CNTLN: variants seen among roughly 807,000 people sequenced by gnomAD.
The protein encoded by CNTLN is centlein.
A neutral mutation model predicts 180.0 loss-of-function variants in CNTLN; 212 were observed. The ratio of observed to expected loss-of-function variants is 1.18; its 90% CI spans 1.05 to 1.32. The LOEUF (loss-of-function observed/expected upper bound fraction) is 1.32. Ranked by LOEUF, CNTLN falls within the 40% of genes most tolerant of loss-of-function variation. CNTLN has a pLI of 0.00. For synonymous variants in CNTLN, 722 were observed against 563.1 expected, an observed-to-expected ratio of 1.28 and a Z score of -3.99; for missense variants, 2,095 against 1,610.9, an observed-to-expected ratio of 1.30 and a Z score of -5.14.
intron 2 of CNTLN, among the ~76,000 whole-genome samples, chr9:17,153,756 C>T (rs1293196578): frequency 6.6e-6 from 1 of 152,180 alleles, no homozygotes; most frequent in Non-Finnish European, 1.5e-5. Context: ...TGTTTTCCAA[C>T]TCGGTTCCAT....
chr9:17,356,300 C>T (rs1014105898), intron 12 of CNTLN, among the ~76,000 whole-genome samples: 2 of 152,148 alleles, frequency 1.3e-5, no homozygotes, highest in African/African-American at 4.8e-5. Flanking sequence ...GAAACTCATA[C>T]ACTAAGATTG....
chr9:17,500,226 T>C (rs1833670171), intron 25 of CNTLN, among the ~76,000 whole-genome samples: 1 of 152,200 alleles, frequency 6.6e-6, no homozygotes. Flanking sequence ...TTGAGTTTTA[T>C]TGGGAGCCAG....
chr9:17,190,517 T>TA (rs1206814027), intron 2 of CNTLN, among the ~76,000 whole-genome samples: 3 of 152,262 alleles, frequency 2.0e-5, no homozygotes, highest in Non-Finnish European at 4.4e-5. Context: ...TTACCAGATA[T>TA]AAAAAGTTTA....
chr9:17,426,454 G>A (rs1023520133), intron 18 of CNTLN, among the ~76,000 whole-genome samples: 1 of 151,892 alleles, frequency 6.6e-6, no homozygotes, highest in South Asian at 2.1e-4. Flanking sequence ...GTCTTGTTTC[G>A]ATAGTCTTCC....
At chr9:17,506,946 C>A (rs936193477), downstream of CNTLN, among the ~76,000 whole-genome samples, 1 of 152,062 alleles carries the variant, frequency 6.6e-6, no homozygotes, top group African/African-American at 2.4e-5. Context: ...TTATATCTGT[C>A]ACCTCAAACA....
intron 2 of CNTLN, among the ~76,000 whole-genome samples, chr9:17,173,839 G>C (rs1820556339): frequency 6.6e-6 from 1 of 152,102 alleles, no homozygotes; most frequent in Non-Finnish European, 1.5e-5. Context: ...CAGAGATTTG[G>C]CATATGCTTG....
chr9:17,302,699 C>G (rs1243826206), intron 7 of CNTLN, among the ~76,000 whole-genome samples: 1 of 152,074 alleles, frequency 6.6e-6, no homozygotes, highest in Admixed American at 6.6e-5. Context: ...TATTTTAAAA[C>G]TTTATGGCGA....
At chr9:17,155,013 C>T (rs749910200) in intron 2 of CNTLN, among the ~76,000 whole-genome samples, 27 of 152,112 alleles carry the variant, frequency 1.8e-4, no homozygotes, top group Non-Finnish European at 3.5e-4. Context: ...AGCAAGACCA[C>T]GAACCACTGG....
chr9:17,514,192 C>T, the CNTLN span, among the ~76,000 whole-genome samples: 1 of 150,644 alleles, frequency 6.6e-6, no homozygotes, highest in Non-Finnish European at 1.5e-5. Flanking sequence ...TGCCTGTAGT[C>T]CCAGCTACTG....
intron 12 of CNTLN, among the ~76,000 whole-genome samples, chr9:17,355,018 G>A (rs1822716484): frequency 6.6e-6 from 1 of 151,692 alleles, no homozygotes; most frequent in Admixed American, 6.6e-5. Flanking sequence ...CTGAGCCAGC[G>A]AGACCACGAA....
intron 12 of CNTLN, among the ~76,000 whole-genome samples, chr9:17,361,883 G>A (rs762285289): frequency 3.3e-5 from 5 of 152,128 alleles, no homozygotes; most frequent in African/African-American, 9.7e-5. Context: ...TTTAAATTGT[G>A]GTCCTCATAC....
chr9:17,409,586 A>C lies in CNTLN; in HGVS notation c.2796+113A>C, dbSNP rs1045791148. The C allele has an allele frequency of 5.2e-6, 4 of 773,746 alleles. No individual in the cohort carries two copies. In the East Asian group the frequency reaches 1.1e-4, roughly 22 times the overall value. 47.9% of individuals were successfully genotyped at this position (773,746 alleles called of 1,614,324 possible). On this transcript the variant is annotated intron_variant, in intron 16 of 25. Coordinates refer to ENST00000380647, the MANE Select transcript of CNTLN (RefSeq NM_017738.4). ...ATTTAATTTGAATTCTTACAAGTTA[A>C]GTCTTTAAAATATACAGTGAAAATA...
At chr9:17,414,827 C>T (rs907888863) in intron 16 of CNTLN, among the ~76,000 whole-genome samples, 2 of 152,162 alleles carry the variant, frequency 1.3e-5, no homozygotes, top group Non-Finnish European at 2.9e-5. Flanking sequence ...CTGTGGCTCA[C>T]GCCCATAATC....
chr9:17,143,810 A>G (rs1040342781), intron 2 of CNTLN, among the ~76,000 whole-genome samples: 3 of 152,152 alleles, frequency 2.0e-5, no homozygotes, highest in South Asian at 4.1e-4. Flanking sequence ...GCCAGTGTAG[A>G]GTAAGTGTTC....
At chr9:17,274,664 ATTT>A (rs1384184030) in intron 6 of CNTLN, among the ~76,000 whole-genome samples, 1 of 152,094 alleles carries the variant, frequency 6.6e-6, no homozygotes, top group African/African-American at 2.4e-5. Flanking sequence ...TGTATAATTT[ATTT>A]TAATTTAAAA....
intron 13 of CNTLN, among the ~76,000 whole-genome samples, chr9:17,384,251 G>T (rs1470309022): frequency 6.8e-6 from 1 of 147,976 alleles, no homozygotes; most frequent in Non-Finnish European, 1.5e-5. Flanking sequence ...TTAAGGCAAG[G>T]AAGCCTATTT....
intron 4 of CNTLN, 84 bp from the exon 5 acceptor site, chr9:17,236,325 T>C: frequency 1.7e-6 from 2 of 1,152,430 alleles, no homozygotes; most frequent in South Asian, 3.9e-5. Context: ...GCACAGTTTG[T>C]ATTTGCTGAT....
intron 18 of CNTLN, among the ~76,000 whole-genome samples, chr9:17,446,411 C>T (rs570103710): frequency 2.0e-4 from 30 of 152,222 alleles, no homozygotes; most frequent in Non-Finnish European, 3.4e-4. Flanking sequence ...ATATGTCTTT[C>T]GCTAGCTTGA....
chr9:17,356,416 G>A (rs1055265077), intron 12 of CNTLN, among the ~76,000 whole-genome samples: 10 of 152,170 alleles, frequency 6.6e-5, no homozygotes, highest in African/African-American at 1.9e-4. Flanking sequence ...TTAGAGTACT[G>A]AAGCCTATGG....
Sources: allele counts gnomAD v4.1 joint callset (sites outside exome capture counted in the v4.1 genomes callset), GRCh38; gene constraint gnomAD v4.1.1; transcripts MANE v1.5; gene names NCBI Gene and HGNC (gene_info 2026-07-23, HGNC 2026-07-21).